LETM1: variants seen among roughly 807,000 people sequenced by gnomAD.
LETM1 encodes mitochondrial proton/calcium exchanger protein.
LETM1 carries 50 observed loss-of-function variants against 74.5 expected under a neutral mutation model. The observed-to-expected ratio is 0.67, with a 90% CI of 0.53 to 0.85. The LOEUF (loss-of-function observed/expected upper bound fraction) is 0.85, where lower values mean the gene tolerates loss of function less well. Among genes scored for constraint, LETM1 ranks in the 40% least tolerant of loss-of-function variants. LETM1 has a pLI of 0.00. For synonymous variants in LETM1, 446 were observed against 407.1 expected, an observed-to-expected ratio of 1.10 and a Z score of -1.15; for missense variants, 824 against 967.8, an observed-to-expected ratio of 0.85 and a Z score of 1.97.
At position 1,834,601 on chromosome 4, in the gene LETM1, T is replaced by A. The variant is rs139113855; in HGVS notation, c.876+244A>T. ...CTGCTCCTGGACAGCTGCAGGGTGA[T>A]GAGACACAGACGCCCATAATTCTGA... On this transcript the variant is annotated intron_variant, in intron 5 of 13. Coordinates refer to ENST00000302787, the MANE Select transcript of LETM1 (RefSeq NM_012318.3). This position sits in a 1 kb window ranked among gnomAD's most constrained non-coding sequence, Gnocchi z 5.0. 1.0e-3 allele frequency: 1,395 copies of A among 1,333,502 alleles called. 14 individuals carry two copies. Among genetic ancestry groups the A allele is most frequent in the South Asian group, 8.9e-3 (521 of 58,750 alleles). 82.6% of individuals were successfully genotyped at this position (1,333,502 alleles called of 1,614,324 possible). A position where few individuals can be genotyped will look rare whatever the true frequency, so the allele number is the denominator to read the frequency against.
chr4:1,826,830 G>C (rs1327493072), intron 6 of LETM1, among the ~76,000 whole-genome samples: 2 of 152,238 alleles, frequency 1.3e-5, no homozygotes, highest in Non-Finnish European at 2.9e-5. Flanking sequence ...TCTGGAGTCT[G>C]TGCAGCATTT....
rs1711548634 is a variant in LETM1, at chr4:1,815,665, T to A, written c.2069A>T (p.Lys690Met). ...TGCGTGGTCCCCAGCGAGGCCCACCTTGACGAGGTCGTCGATGTTGACCTT... is the reference window on the plus strand; with the variant it reads ...TGCGTGGTCCCCAGCGAGGCCCACCATGACGAGGTCGTCGATGTTGACCTT... ...DGKVNIDDLV[K>M]VIELVDKEDV... The change falls in exon 13 of 14, where the codon AAG becomes ATG. Residue 690 changes from lysine (K) to methionine (M), a missense_variant and splice_region_variant. This residue lies in a region of LETM1 where 161 missense variants were observed against 252.7 expected (regional missense o/e 0.64). Coordinates refer to ENST00000302787, the MANE Select transcript of LETM1 (RefSeq NM_012318.3). The A allele has an allele frequency of 6.2e-7, 1 of 1,614,050 alleles. No individual in the cohort carries two copies. The highest frequency in any genetic ancestry group is 1.3e-5 in the African/African-American group (1 of 74,948).
intron 6 of LETM1, among the ~76,000 whole-genome samples, chr4:1,827,871 A>T (rs1276428925): frequency 6.8e-6 from 1 of 146,628 alleles, no homozygotes; most frequent in African/African-American, 2.7e-5. Flanking sequence ...GCGGCCGGGC[A>T]GAGGCGCCCC....
intron 10 of LETM1, among the ~76,000 whole-genome samples, chr4:1,821,692 C>A (rs774690600): frequency 6.6e-6 from 1 of 152,144 alleles, no homozygotes; most frequent in African/African-American, 2.4e-5. Flanking sequence ...TACCAGGAGG[C>A]GCCCCAGGTA....
rs139223046 is a variant in LETM1 at position 1,822,199 on chromosome 4, C to T, written c.1590G>A (p.Pro530=). 152 of 1,472,246 alleles carry T rather than the reference C, an allele frequency of 1.0e-4. No homozygotes were observed. The highest frequency in any genetic ancestry group is 1.2e-4 in the Non-Finnish European group (135 of 1,097,420). The allele number at this position is 1,472,246 out of a possible 1,614,324, so 91.2% of individuals were successfully genotyped here. A position where few individuals can be genotyped will look rare whatever the true frequency, so the allele number is the denominator to read the frequency against. Residue 530 remains proline (P), a synonymous_variant, in exon 10 of 14, where the codon CCG becomes CCA. Transcript: ENST00000302787. ...TCATTACCTTCAAGCCCTCCAGCAC[C>T]GGGGCAGTGTCCTTCAAGGTCTCTG... is the stretch of plus-strand genomic sequence containing the variant. ...LQSETLKDTA[P]VLEGLKEEEI... is the part of the protein sequence containing the mutation.
At position 1,827,996 on chromosome 4, in the gene LETM1, G is replaced by A. The variant is rs1393836428; in HGVS notation, c.1081-2313C>T. Among the ~76,000 whole-genome samples, 1,321 of 142,924 alleles carry A rather than the reference G, an allele frequency of 9.2e-3. 45 individuals are homozygous for A. Among genetic ancestry groups the A allele is most frequent in the African/African-American group, 0.037 (1,252 of 34,206 alleles). 93.8% of individuals were successfully genotyped at this position (142,924 alleles called of 152,430 possible). A position where few individuals can be genotyped will look rare whatever the true frequency, so the allele number is the denominator to read the frequency against. On this transcript the variant is annotated intron_variant, in intron 6 of 13. Coordinates refer to ENST00000302787, the MANE Select transcript of LETM1 (RefSeq NM_012318.3). Reference sequence around the variant, plus strand: ...TCCCCACTTCCCAGCAGGGGCGGCCGGGCAGAGGCGCCCCCCAACCCGGAC... The same window carrying A: ...TCCCCACTTCCCAGCAGGGGCGGCCAGGCAGAGGCGCCCCCCAACCCGGAC...
intron 2 of LETM1, among the ~76,000 whole-genome samples, chr4:1,845,083 G>C (rs1183318915): frequency 6.6e-6 from 1 of 151,748 alleles, no homozygotes; most frequent in Non-Finnish European, 1.5e-5. Context: ...TCAGCTACTC[G>C]GGAGGCTGAG....
chr4:1,822,003 C>G (rs899594446), intron 10 of LETM1, among the ~76,000 whole-genome samples, 178 bp downstream of exon 10: 7 of 152,202 alleles, frequency 4.6e-5, no homozygotes, highest in Non-Finnish European at 7.4e-5. Flanking sequence ...TCACTCTTTT[C>G]CTAACCACCA....
In LETM1 at chr4:1,836,876, G is replaced by C. The variant is rs913198079; in HGVS notation, c.595-304C>G. Among the ~76,000 whole-genome samples, 2 of 152,114 alleles carry C rather than the reference G, an allele frequency of 1.3e-5. No individual in the cohort carries two copies. Among genetic ancestry groups the C allele is most frequent in the Non-Finnish European group, 2.9e-5 (2 of 68,024 alleles). ...ACACCGGCCAGCACTCTGGGCTCGG[G>C]GGCCAGCAAGTGAGGGCTGCAGGCT... On this transcript the variant is annotated intron_variant, in intron 3 of 13. Coordinates refer to ENST00000302787, the MANE Select transcript of LETM1 (RefSeq NM_012318.3). The surrounding 1 kb of genome is among the most constrained non-coding windows in gnomAD (Gnocchi z 5.8).
intron 6 of LETM1, among the ~76,000 whole-genome samples, chr4:1,827,958 C>G (rs1349917811): frequency 6.8e-6 from 1 of 147,426 alleles, no homozygotes; most frequent in Non-Finnish European, 1.5e-5. Flanking sequence ...GGCGGCTGGC[C>G]GGGCAGAGGG....
chr4:1,824,966 G>A (rs553814450), intron 7 of LETM1, among the ~76,000 whole-genome samples: 8 of 152,262 alleles, frequency 5.3e-5, no homozygotes, highest in Non-Finnish European at 1.0e-4. Flanking sequence ...TGAAAAACCC[G>A]GGAGGAGGAT....
chr4:1,828,628 C>T (rs1450501274), intron 6 of LETM1, among the ~76,000 whole-genome samples: 11 of 111,866 alleles, frequency 9.8e-5, no homozygotes, highest in Middle Eastern at 8.5e-3. Context: ...CCAGTAGGGG[C>T]GGCCGGGCAG....
chr4:1,833,344 A>C, intron 5 of LETM1: 1 of 249,554 alleles, frequency 4.0e-6, no homozygotes, highest in Non-Finnish European at 7.9e-6. Flanking sequence ...CTGACTTCTG[A>C]CTCCGGTGCT....
At chr4:1,842,442 C>G (rs939392850) in intron 2 of LETM1, among the ~76,000 whole-genome samples, 2 of 152,230 alleles carry the variant, frequency 1.3e-5, no homozygotes, top group African/African-American at 2.4e-5. Flanking sequence ...ACCTGCCCCC[C>G]CGCCTGGACA....
chr4:1,854,455 G>C (rs1253580544), intron 1 of LETM1, among the ~76,000 whole-genome samples: 1 of 147,940 alleles, frequency 6.8e-6, no homozygotes, highest in Non-Finnish European at 1.5e-5. Flanking sequence ...ACTCCAGCCT[G>C]GATGACAGAG....
chr4:1,838,245 G>A (rs147110993), intron 3 of LETM1, among the ~76,000 whole-genome samples: 42 of 151,828 alleles, frequency 2.8e-4, no homozygotes, highest in African/African-American at 9.2e-4. Context: ...GATTACACGC[G>A]CCCGCCACCA....
At position 1,834,572 on chromosome 4, in the gene LETM1, T is replaced by C; in HGVS notation, c.876+273A>G. 1 of 1,240,032 alleles carries C rather than the reference T, an allele frequency of 8.1e-7. No homozygotes were observed. The highest frequency in any genetic ancestry group is 1.0e-6 in the Non-Finnish European group (1 of 984,586). 76.8% of individuals were successfully genotyped at this position (1,240,032 alleles called of 1,614,324 possible). A position where few individuals can be genotyped will look rare whatever the true frequency, so the allele number is the denominator to read the frequency against. On this transcript the variant is annotated intron_variant, in intron 5 of 13. Transcript: ENST00000302787. This position sits in a 1 kb window ranked among gnomAD's most constrained non-coding sequence, Gnocchi z 5.0. Reference sequence around the variant, plus strand: ...GTCTCAGGCTCCTCATGGGTCAGATTCTACTGCTCCTGGACAGCTGCAGGG... The same window carrying C: ...GTCTCAGGCTCCTCATGGGTCAGATCCTACTGCTCCTGGACAGCTGCAGGG...
At chr4:1,851,193 C>T (rs1713059419) in intron 1 of LETM1, among the ~76,000 whole-genome samples, 2 of 152,200 alleles carry the variant, frequency 1.3e-5, no homozygotes, top group South Asian at 4.1e-4. Context: ...CACCAGCCCA[C>T]GGAGGTGCCA....
At chr4:1,820,878 G>C (rs1188308155) in intron 10 of LETM1, among the ~76,000 whole-genome samples, 4 of 152,052 alleles carry the variant, frequency 2.6e-5, no homozygotes, top group Non-Finnish European at 5.9e-5. Flanking sequence ...ACAACAATTA[G>C]CTGGGTGTGG....
Sources: gnomAD v4.1 joint callset for allele counts (sites outside exome capture counted in the v4.1 genomes callset) on GRCh38, gnomAD v4.1.1 for gene constraint, gnomAD v4.1.1 regional missense constraint, Gnocchi (gnomAD v3.1) non-coding constraint, MANE v1.5 for transcripts, NCBI Gene and HGNC (gene_info 2026-07-23, HGNC 2026-07-21) for gene names.